The following LRP1 variants were observed in gnomAD, a reference collection of about 807,000 sequenced individuals.
LRP1 encodes LDL receptor related protein 1.
In LRP1, 51 loss-of-function variants were observed where a neutral mutation model predicts 541.5. The ratio of observed to expected loss-of-function variants is 0.09; its 90% CI spans 0.08 to 0.12. LRP1 has a LOEUF of 0.12. Among genes scored for constraint, LRP1 ranks in the 10% least tolerant of loss-of-function variants. The pLI, the probability that LRP1 is intolerant of heterozygous loss-of-function variation, is 1.00. For synonymous variants in LRP1, 2,219 were observed against 2,470.8 expected, an observed-to-expected ratio of 0.90 and a Z score of 3.02; for missense variants, 3,878 against 6,376.2, an observed-to-expected ratio of 0.61 and a Z score of 13.34.
At chr12:57,148,235 A>C (rs1362973750) in intron 6 of LRP1, among the ~76,000 whole-genome samples, 1 of 152,124 alleles carries the variant, frequency 6.6e-6, no homozygotes, top group African/African-American at 2.4e-5. Context: ...TAGCACATCA[A>C]ATCTGTTACT....
At chr12:57,208,860 C>A (rs776470210) in intron 78 of LRP1, 43 bp downstream of exon 78, 2 of 1,505,716 alleles carry the variant, frequency 1.3e-6, no homozygotes, top group African/African-American at 1.4e-5. Context: ...TGGAGGGGGC[C>A]CGGCTCGCAG....
At chr12:57,191,119 G>GCACTCACCTCCTCCC in intron 43 of LRP1, 110 bp downstream of exon 43, 2 of 1,246,194 alleles carry the variant, frequency 1.6e-6, no homozygotes, top group African/African-American at 1.5e-5. Context: ...CAGCTGGGAG[G>GCACTCACCTCCTCCC]AGGTGAGTGC....
rs1191788726 is a variant in LRP1, at chr12:57,175,579, A to G, written c.3667A>G (p.Ile1223Val). The change falls in exon 23 of 89, where the codon ATC (isoleucine) becomes GTC (valine). Residue 1223 changes from isoleucine to valine, a missense_variant. Coordinates refer to ENST00000243077, the MANE Select transcript of LRP1 (RefSeq NM_002332.3). Reference sequence around the variant, plus strand: ...GGGGCCCGACAACCACACCTGCCAGATCCAGAGCTACTGTGCCAAGCATCT... The same window carrying G: ...GGGGCCCGACAACCACACCTGCCAGGTCCAGAGCTACTGTGCCAAGCATCT... ...ELGPDNHTCQIQSYCAKHLKC... is the reference protein window; with the variant it reads ...ELGPDNHTCQVQSYCAKHLKC... 1 of 1,614,144 alleles carries G rather than the reference A, an allele frequency of 6.2e-7. No individual in the cohort carries two copies. Among genetic ancestry groups the G allele is most frequent in the Non-Finnish European group, 8.5e-7 (1 of 1,179,970 alleles).
rs1213824184 is a variant in LRP1 at position 57,185,728 on chromosome 12, A to C, written c.6661A>C (p.Asn2221His). ...CCACCTGTCGGATGAGCGCAACCTC[A>C]ATGCGCCCGTGCAGCCCTTCGAGGA... Reference protein sequence around the residue: ...SIHLSDERNLNAPVQPFEDPE... With the variant: ...SIHLSDERNLHAPVQPFEDPE... The change falls in exon 41 of 89, where the codon AAT (asparagine) becomes CAT (histidine). Residue 2221 changes from asparagine (N) to histidine (H), a missense_variant. Coordinates refer to ENST00000243077, the MANE Select transcript of LRP1 (RefSeq NM_002332.3). The surrounding 1 kb of genome is among the most constrained non-coding windows in gnomAD (Gnocchi z 4.9). 1.9e-6 allele frequency: 3 copies of C among 1,614,116 alleles called. No homozygotes were observed. Among genetic ancestry groups the C allele is most frequent in the Non-Finnish European group, 2.5e-6 (3 of 1,180,012 alleles).
chr12:57,169,075 G>C (rs2035894221), intron 19 of LRP1, 65 bp from the exon 20 acceptor site: 1 of 1,476,890 alleles, frequency 6.8e-7, no homozygotes, highest in Admixed American at 1.7e-5. Context: ...GCCCAAGCTG[G>C]GATCACAGAG....
Position 57,176,074 on chromosome 12 carries a change from A to G in LRP1, c.3959A>G (p.Lys1320Arg), listed in dbSNP as rs2036041115. 6.2e-7 allele frequency: 1 copy of G among 1,614,066 alleles called. No homozygotes were observed. The highest frequency in any genetic ancestry group is 1.7e-5 in the Admixed American group (1 of 60,006). The part of the protein sequence containing the change: ...ALYWTDVVED[K>R]IYRGKLLDNG... ...TACTGGACCGACGTGGTGGAGGACA[A>G]GATCTACCGCGGGAAGCTGCTGGAC... Residue 1320 changes from lysine (K) to arginine (R), a missense_variant, in exon 24 of 89, where the codon AAG becomes AGG. Around this residue, in one of 13 missense-constraint regions of LRP1, gnomAD observed 320 missense variants for 547.9 expected, o/e 0.58. Transcript: ENST00000243077.
Position 57,184,058 on chromosome 12 carries a change from C to T in LRP1, c.5930-27C>T, listed in dbSNP as rs1340290001. 7.5e-6 allele frequency: 12 copies of T among 1,609,876 alleles called. No homozygotes were observed. Among genetic ancestry groups the T allele is most frequent in the South Asian group, 1.1e-5 (1 of 90,488 alleles). On this transcript the variant is annotated intron_variant, in intron 36 of 88. Transcript: ENST00000243077. This position sits in a 1 kb window ranked among gnomAD's most constrained non-coding sequence, Gnocchi z 7.8. ...GGTCCACCTGTCCTCACCTAACCTC[C>T]CTGAGCCCCACCAACTCCCTCCTTA...
chr12:57,196,024 C>T, intron 54 of LRP1, 21 bp downstream of exon 54: 6 of 1,612,128 alleles, frequency 3.7e-6, no homozygotes, highest in Middle Eastern at 1.7e-4. Flanking sequence ...GACCTGGCTC[C>T]CCTCTGCCCC....
rs564624083 is a variant in LRP1 at position 57,205,285 on chromosome 12, G to T, written c.11335+36G>T. 2.5e-6 allele frequency: 4 copies of T among 1,599,078 alleles called. No individual in the cohort carries two copies. In the South Asian group the frequency reaches 3.3e-5, roughly 13 times the overall value. On this transcript the variant is annotated intron_variant, in intron 73 of 88. Coordinates refer to ENST00000243077, the MANE Select transcript of LRP1 (RefSeq NM_002332.3). This position sits in a 1 kb window ranked among gnomAD's most constrained non-coding sequence, Gnocchi z 4.6. ...GCAGCGGACCGGACGCTGGTGGGGA[G>T]TGGGGAGAGCCAAGCCCTGGCCTGG...
chr12:57,161,778 C>T (rs1051631563), intron 13 of LRP1, among the ~76,000 whole-genome samples: 1 of 152,104 alleles, frequency 6.6e-6, no homozygotes, highest in African/African-American at 2.4e-5. Flanking sequence ...CAGGGGCTAC[C>T]TCCCCTAGGA....
rs34108076 is a variant in LRP1 at position 57,162,439 on chromosome 12, AC to A, written c.2331del (p.Thr778LeufsTer2). On this transcript the variant is annotated frameshift_variant, in exon 14 of 89. Transcript: ENST00000243077. LOFTEE classifies it high-confidence loss of function. This position sits in a 1 kb window ranked among gnomAD's most constrained non-coding sequence, Gnocchi z 5.2. ...YRLERGVGGAPPTVTLLRSER... is the reference protein window; with the variant it reads ...YRLERGVGGAXPTVTLLRSER... ...GCTTGGAACGGGGTGTAGGAGGCGC[AC>A]CCCCCACTGTGACCCTTCTGCGCAG... The A allele has an allele frequency of 6.2e-7, 1 of 1,613,198 alleles. No individual in the cohort carries two copies. The highest frequency in any genetic ancestry group is 8.5e-7 in the Non-Finnish European group (1 of 1,179,784).
At position 57,135,259 on chromosome 12, in the gene LRP1, C is replaced by T. The variant is rs538572548; in HGVS notation, c.68-3200C>T. Among the ~76,000 whole-genome samples the T allele has an allele frequency of 9.8e-5, 15 of 152,292 alleles. No homozygotes were observed. In the East Asian group the frequency reaches 1.5e-3, roughly 16 times the overall value. The stretch of plus-strand genomic sequence containing the variant: ...GGGTTCTCTCATGCGGGCCAGGAGG[C>T]GGGGAAGGCCTTAGTTGCTTTTGAC... On this transcript the variant is annotated intron_variant, in intron 1 of 88. Coordinates refer to ENST00000243077, the MANE Select transcript of LRP1 (RefSeq NM_002332.3).
Position 57,143,758 on chromosome 12 carries a change from C to T in LRP1, c.408C>T (p.Asn136=), listed in dbSNP as rs1565715511. ...PTLDGPTCYC[N]SSFQLQADGK... is the part of the protein sequence containing the mutation. ...TCGATGGGCCCACCTGCTACTGCAA[C>T]AGCAGCTTTCAGCTTCAGGCAGATG... The change falls in exon 4 of 89, where the codon AAC becomes AAT. Residue 136 remains asparagine, a synonymous_variant. Transcript: ENST00000243077. The T allele has an allele frequency of 1.1e-5, 18 of 1,614,160 alleles. No homozygotes were observed. Among genetic ancestry groups the T allele is most frequent in the Non-Finnish European group, 1.5e-5 (18 of 1,179,998 alleles).
At chr12:57,150,952 T>G (rs1263728350) in intron 6 of LRP1, among the ~76,000 whole-genome samples, 2 of 151,848 alleles carry the variant, frequency 1.3e-5, no homozygotes, top group African/African-American at 2.4e-5. Context: ...CAGAATCTAG[T>G]GTGCTCCCTG....
Position 57,204,423 on chromosome 12 carries a change from C to T in LRP1, c.10965C>T (p.Pro3655=). ...CCCTGGCACCAGTGCGGACCTGCCC[C>T]CTGGACGAGTTCCAGTGCAACAACA... ...EACGTGVRTC[P]LDEFQCNNTL... is the part of the protein sequence containing the mutation. The change falls in exon 71 of 89, where the codon CCC becomes CCT. Residue 3655 remains proline (P), a synonymous_variant. Coordinates refer to ENST00000243077, the MANE Select transcript of LRP1 (RefSeq NM_002332.3). This position sits in a 1 kb window ranked among gnomAD's most constrained non-coding sequence, Gnocchi z 5.3. 6.5e-7 allele frequency: 1 copy of T among 1,548,380 alleles called. No homozygotes were observed. The highest frequency in any genetic ancestry group is 8.7e-7 in the Non-Finnish European group (1 of 1,144,994).
chr12:57,155,746 C>T (rs989158403), intron 8 of LRP1, among the ~76,000 whole-genome samples: 9 of 151,972 alleles, frequency 5.9e-5, no homozygotes, highest in Admixed American at 3.3e-4. Context: ...CCTCGGAGGT[C>T]GAGACCAGCC....
At chr12:57,139,635 A>T (rs891346367) in intron 2 of LRP1, among the ~76,000 whole-genome samples, 1 of 152,010 alleles carries the variant, frequency 6.6e-6, no homozygotes, top group African/African-American at 2.4e-5. Flanking sequence ...CTCTGTTCAC[A>T]CTCATACCCC....
chr12:57,163,686 T>C (rs2035784137), intron 15 of LRP1, among the ~76,000 whole-genome samples: 1 of 152,142 alleles, frequency 6.6e-6, no homozygotes, highest in African/African-American at 2.4e-5. Context: ...ATTGTTAGCA[T>C]TGTGGTAAAG....
rs2036109843 is a variant in LRP1, at chr12:57,179,179, T to G, written c.4739-150T>G. On this transcript the variant is annotated intron_variant, in intron 28 of 88. Transcript: ENST00000243077. This position sits in a 1 kb window ranked among gnomAD's most constrained non-coding sequence, Gnocchi z 6.8. ...CCACTGTGAGAAGGGGCTGCAGGTC[T>G]GCCAGGGGGGCTGCACCCAGCGGGG... The G allele has an allele frequency of 8.4e-7, 1 of 1,194,406 alleles. No homozygotes were observed. Among genetic ancestry groups the G allele is most frequent in the Non-Finnish European group, 1.2e-6 (1 of 853,206 alleles). The allele number at this position is 1,194,406 out of a possible 1,614,324, so 74.0% of individuals were successfully genotyped here.
Sources: gnomAD v4.1 joint callset for allele counts (sites outside exome capture counted in the v4.1 genomes callset) on GRCh38, gnomAD v4.1.1 for gene constraint, gnomAD v4.1.1 regional missense constraint, Gnocchi (gnomAD v3.1) non-coding constraint, MANE v1.5 for transcripts, NCBI Gene and HGNC (gene_info 2026-07-23, HGNC 2026-07-21) for gene names.